The following GXYLT2 variants were observed in gnomAD, a reference collection of about 807,000 sequenced individuals.
GXYLT2 encodes the protein glucoside xylosyltransferase 2, also known as glycosyltransferase 8 domain containing 4.
Under a neutral mutation model 45.8 loss-of-function variants are expected in GXYLT2, and 53 were observed. That is an observed-to-expected ratio of 1.16 (90% CI 0.93 to 1.46). The LOEUF (loss-of-function observed/expected upper bound fraction) is 1.46. Among genes scored for constraint, GXYLT2 ranks in the 40% most tolerant of loss-of-function variants. GXYLT2 has a pLI of 0.00. For synonymous variants in GXYLT2, 219 were observed against 214.2 expected (o/e 1.02, Z -0.19); for missense variants, 551 against 544.4 (o/e 1.01, Z -0.12).
At chr3:72,947,188 A>G (rs761736908) in intron 3 of GXYLT2, among the ~76,000 whole-genome samples, 7 of 152,052 alleles carry the variant, frequency 4.6e-5, no homozygotes, top group Non-Finnish European at 1.0e-4. Flanking sequence ...GGACTTAAAT[A>G]TTTGTTTCTA....
intron 1 of GXYLT2, among the ~76,000 whole-genome samples, chr3:72,890,616 C>T (rs6807627): frequency 0.4 from 60,414 of 152,022 alleles, 13,194 homozygotes; most frequent in African/African-American, 0.56. Flanking sequence ...ACTGAGATGT[C>T]TTTTAAAGAA....
chr3:72,898,608 A>G (rs1209514194), intron 1 of GXYLT2, among the ~76,000 whole-genome samples: 1 of 152,180 alleles, frequency 6.6e-6, no homozygotes, highest in Non-Finnish European at 1.5e-5. Context: ...AGAGTTGGCA[A>G]AGGTCTGTTG....
chr3:72,946,650 C>T (rs952815286), intron 3 of GXYLT2, among the ~76,000 whole-genome samples: 1 of 152,200 alleles, frequency 6.6e-6, no homozygotes, highest in African/African-American at 2.4e-5. Flanking sequence ...TATAAGGGTG[C>T]TAATCCTATT....
Position 72,920,233 on chromosome 3 carries a change from G to T in GXYLT2, c.469-1971G>T, listed in dbSNP as rs537215102. Among the ~76,000 whole-genome samples, 7 of 152,138 alleles carry T rather than the reference G, an allele frequency of 4.6e-5. No homozygotes were observed. The South Asian group carries it at 1.2e-3, about 27-fold the overall frequency. On this transcript the variant is annotated intron_variant, in intron 2 of 6. Transcript: ENST00000389617. ...CACTGCAGCCTCCGCCTTCCGAGTT[G>T]ATGTGATTCTCCTGCCTCAGCCTCC...
chr3:72,890,652 C>T (rs1709165545), intron 1 of GXYLT2, among the ~76,000 whole-genome samples: 2 of 152,232 alleles, frequency 1.3e-5, no homozygotes, highest in African/African-American at 4.8e-5. Flanking sequence ...GGATCTGTCT[C>T]ATTCTTCAAG....
intron 3 of GXYLT2, among the ~76,000 whole-genome samples, chr3:72,938,993 T>TG (rs746515903): frequency 6.6e-6 from 1 of 152,236 alleles, no homozygotes; most frequent in Non-Finnish European, 1.5e-5. Flanking sequence ...TGGTACACCC[T>TG]GCTCTTTGTT....
chr3:72,973,186 T>A (rs531384970), intron 6 of GXYLT2, among the ~76,000 whole-genome samples: 60 of 152,230 alleles, frequency 3.9e-4, no homozygotes, highest in African/African-American at 1.4e-3. Context: ...AGTCCTGGGC[T>A]GGAGAGGAGT....
intron 3 of GXYLT2, among the ~76,000 whole-genome samples, chr3:72,931,386 C>T (rs1375552093): frequency 1.3e-5 from 2 of 151,142 alleles, no homozygotes; most frequent in East Asian, 1.9e-4. Flanking sequence ...CCCGTCACCA[C>T]ACATGGCTAA....
At chr3:72,897,856 A>G (rs1404725191) in intron 1 of GXYLT2, among the ~76,000 whole-genome samples, 2 of 152,196 alleles carry the variant, frequency 1.3e-5, no homozygotes, top group African/African-American at 4.8e-5. Flanking sequence ...AATTTGAACC[A>G]TTTGATAGCT....
In GXYLT2 at chr3:72,949,133, C is replaced by G. The variant is rs574090348; in HGVS notation, c.601-5965C>G. On this transcript the variant is annotated intron_variant, in intron 3 of 6. Transcript: ENST00000389617. ...AGTCATTGAACATATCTTCCTGTTG[C>G]TCTCAGGATTAAGTCCAAATTTGTC... Among the ~76,000 whole-genome samples, 4 of 152,224 alleles carry G rather than the reference C, an allele frequency of 2.6e-5. No homozygotes were observed. In the East Asian group the frequency reaches 7.8e-4, roughly 30 times the overall value.
rs1312366519 is a variant in GXYLT2, at chr3:72,945,232, G to A, written c.601-9866G>A. On this transcript the variant is annotated intron_variant, in intron 3 of 6. Coordinates refer to ENST00000389617, the MANE Select transcript of GXYLT2 (RefSeq NM_001080393.2). ...GAACCCGGGAGGCGGAGCTTGCAGC[G>A]AGCTGAGATCGCGCCACTGCACTCC... 2.0e-5 allele frequency among the ~76,000 whole-genome samples: 3 copies of A among 152,100 alleles called. 1 individual carries two copies. Among genetic ancestry groups the A allele is most frequent in the East Asian group, 1.9e-4 (1 of 5,184 alleles).
chr3:72,931,594 GA>G (rs1435458756), intron 3 of GXYLT2, among the ~76,000 whole-genome samples: 4 of 152,026 alleles, frequency 2.6e-5, no homozygotes, highest in African/African-American at 9.7e-5. Context: ...AAACTACAAT[GA>G]AAATGAAGAT....
Position 72,949,534 on chromosome 3 carries a change from A to G in GXYLT2, c.601-5564A>G, listed in dbSNP as rs1462839176. ...TTTTTTTTTTTTTTTTTTTTTTGAG[A>G]TGGAGTCTTGCTCCATCACCAGGCT... On this transcript the variant is annotated intron_variant, in intron 3 of 6. Coordinates refer to ENST00000389617, the MANE Select transcript of GXYLT2 (RefSeq NM_001080393.2). Among the ~76,000 whole-genome samples, 5 of 67,206 alleles carry G rather than the reference A, an allele frequency of 7.4e-5. No individual in the cohort carries two copies. In the Admixed American group the frequency reaches 1.2e-3, roughly 17 times the overall value. The allele number at this position is 67,206 out of a possible 152,430, so 44.1% of individuals were successfully genotyped here.
intron 3 of GXYLT2, chr3:72,928,928 C>G: frequency 1.4e-6 from 1 of 718,570 alleles, no homozygotes; most frequent in Non-Finnish European, 2.5e-6. Context: ...CCATCCCGGC[C>G]GGCCGCCCAT....
intron 5 of GXYLT2, among the ~76,000 whole-genome samples, chr3:72,963,768 G>A (rs1200583495): frequency 2.0e-5 from 3 of 150,798 alleles, no homozygotes; most frequent in African/African-American, 7.3e-5. Context: ...TGCCTCCCAG[G>A]TCCAAGCAAT....
intron 2 of GXYLT2, among the ~76,000 whole-genome samples, chr3:72,917,424 T>C (rs563160468): frequency 2.6e-5 from 4 of 152,314 alleles, no homozygotes; most frequent in Admixed American, 2.6e-4. Context: ...GGGTAAATAC[T>C]AGGTAATGCC....
chr3:72,943,251 G>C (rs1272663641), intron 3 of GXYLT2, among the ~76,000 whole-genome samples: 1 of 152,166 alleles, frequency 6.6e-6, no homozygotes, highest in Non-Finnish European at 1.5e-5. Flanking sequence ...TTCTCAAAAT[G>C]TATTTGGCTT....
chr3:72,893,116 T>C (rs1322398953), intron 1 of GXYLT2, among the ~76,000 whole-genome samples: 5 of 152,096 alleles, frequency 3.3e-5, no homozygotes, highest in Non-Finnish European at 7.4e-5. Context: ...CCAGATGGGG[T>C]CCACCTATTT....
At chr3:72,949,971 A>C (rs1710488757) in intron 3 of GXYLT2, among the ~76,000 whole-genome samples, 1 of 152,114 alleles carries the variant, frequency 6.6e-6, no homozygotes, top group African/African-American at 2.4e-5. Flanking sequence ...ACATCATCTC[A>C]TTTAATCATC....
Sources: gnomAD v4.1 joint callset for allele counts (sites outside exome capture counted in the v4.1 genomes callset) on GRCh38, gnomAD v4.1.1 for gene constraint, MANE v1.5 for transcripts, NCBI Gene and HGNC (gene_info 2026-07-23, HGNC 2026-07-21) for gene names.